The following LZTFL1 variants were observed in gnomAD, a reference collection of about 807,000 sequenced individuals.
LZTFL1 encodes leucine zipper transcription factor-like protein 1.
LZTFL1 carries 25 observed loss-of-function variants against 45.9 expected under a neutral mutation model. The ratio of observed to expected loss-of-function variants is 0.54; its 90% CI spans 0.40 to 0.76. The LOEUF is 0.76. Among genes scored for constraint, LZTFL1 ranks in the 30% least tolerant of loss-of-function variants. LZTFL1 has a pLI of 0.00. For synonymous variants in LZTFL1, 93 were observed against 117.4 expected (o/e 0.79, Z 1.35); for missense variants, 277 against 331.1 (o/e 0.84, Z 1.27).
intron 4 of LZTFL1, among the ~76,000 whole-genome samples, chr3:45,850,437 C>T (rs567248213): frequency 5.9e-5 from 9 of 152,312 alleles, no homozygotes; most frequent in African/African-American, 1.7e-4. Context: ...CTCCTCCCCG[C>T]AGCACCACCA....
chr3:45,876,940 C>T lies in LZTFL1; in HGVS notation c.-214-17924G>A, dbSNP rs79411669. On this transcript the variant is annotated intron_variant, in intron 2 of 4. Transcript: ENST00000472635. ...GGTAACTATTCCCCCAGCCTTCCTC[C>T]GGGCTCTCTTCAAAGCCTCCTGGAC... 9.1e-3 allele frequency among the ~76,000 whole-genome samples: 1,384 copies of T among 152,204 alleles called. 20 individuals carry two copies. Among genetic ancestry groups the T allele is most frequent in the African/African-American group, 0.031 (1,287 of 41,496 alleles).
intron 2 of LZTFL1, among the ~76,000 whole-genome samples, chr3:45,891,630 A>G (rs556934663): frequency 6.6e-6 from 1 of 152,282 alleles, no homozygotes; most frequent in African/African-American, 2.4e-5. Flanking sequence ...ATGCAGCACT[A>G]TCATCGAATT....
chr3:45,835,854 A>G, intron 2 of LZTFL1, 70 bp from the exon 3 acceptor site: 1 of 1,109,326 alleles, frequency 9.0e-7, no homozygotes, highest in East Asian at 2.4e-5. Context: ...CAGCAAAATT[A>G]AGAAACCCAC....
rs918742141 is a variant in LZTFL1 at position 45,825,043 on chromosome 3, C to T, written c.*1271G>A. 2.5e-6 allele frequency: 1 copy of T among 395,514 alleles called. No homozygotes were observed. Among genetic ancestry groups the T allele is most frequent in the Admixed American group, 4.4e-5 (1 of 22,682 alleles). 24.5% of individuals were successfully genotyped at this position (395,514 alleles called of 1,614,324 possible). On this transcript the variant is annotated 3_prime_UTR_variant, in exon 10 of 10. Coordinates refer to ENST00000296135, the MANE Select transcript of LZTFL1 (RefSeq NM_020347.4). ...TTCCTTCACTATTTTAACAAAAAGCCTATAAGAAAAATAATAAATTCAAGG... is the reference window on the plus strand; with the variant it reads ...TTCCTTCACTATTTTAACAAAAAGCTTATAAGAAAAATAATAAATTCAAGG...
At chr3:45,859,592 A>G (rs1475994806) in intron 2 of LZTFL1, among the ~76,000 whole-genome samples, 1 of 151,732 alleles carries the variant, frequency 6.6e-6, no homozygotes, top group Non-Finnish European at 1.5e-5. Context: ...AATGACAAAA[A>G]TTAACGAATG....
intron 2 of LZTFL1, among the ~76,000 whole-genome samples, chr3:45,866,399 A>T (rs1701578519): frequency 6.6e-6 from 1 of 152,220 alleles, no homozygotes; most frequent in Admixed American, 6.5e-5. Context: ...CACTTTCAAA[A>T]AGAAAACCGT....
chr3:45,835,842 T>A (rs1289506574), intron 2 of LZTFL1, 58 bp from the exon 3 acceptor site: 2 of 1,303,376 alleles, frequency 1.5e-6, no homozygotes, highest in African/African-American at 3.0e-5. Context: ...ATCTACAAAA[T>A]ACAGCAAAAT....
chr3:45,827,462 G>A lies in LZTFL1; in HGVS notation c.778-3C>T. The A allele has an allele frequency of 6.3e-7, 1 of 1,589,742 alleles. No homozygotes were observed. The highest frequency in any genetic ancestry group is 1.1e-5 in the South Asian group (1 of 90,434). ...TGCTGAAATTTCTTTTCTAATTCCT[G>A]CTTAGTAAAAAATGTCAGCCCATTA... On this transcript the variant is annotated splice_polypyrimidine_tract_variant and splice_region_variant and intron_variant, in intron 8 of 9. Coordinates refer to ENST00000296135, the MANE Select transcript of LZTFL1 (RefSeq NM_020347.4).
At chr3:45,897,932 C>A (rs927014657) in intron 2 of LZTFL1, among the ~76,000 whole-genome samples, 2 of 139,372 alleles carry the variant, frequency 1.4e-5, no homozygotes, top group Admixed American at 1.6e-4. Flanking sequence ...GCTTCACAGC[C>A]GTGGGCTCAG....
intron 2 of LZTFL1, among the ~76,000 whole-genome samples, chr3:45,892,478 A>G (rs573298995): frequency 4.6e-5 from 7 of 152,296 alleles, no homozygotes; most frequent in Non-Finnish European, 8.8e-5. Flanking sequence ...CAAATGTCAC[A>G]TGTTCTCATT....
chr3:45,895,002 T>C, intron 2 of LZTFL1: 2 of 1,592,480 alleles, frequency 1.3e-6, no homozygotes, highest in Non-Finnish European at 1.7e-6. Context: ...ACACTCATCT[T>C]CCCTTTTTAG....
chr3:45,882,663 G>A (rs1244503038), intron 2 of LZTFL1, among the ~76,000 whole-genome samples: 1 of 152,112 alleles, frequency 6.6e-6, no homozygotes, highest in Non-Finnish European at 1.5e-5. Context: ...GTTGGCCCCT[G>A]CAACAAAGTC....
At position 45,870,293 on chromosome 3, in the gene LZTFL1, C is replaced by T. The variant is rs142994380; in HGVS notation, c.-214-11277G>A. 2.6e-4 allele frequency among the ~76,000 whole-genome samples: 40 copies of T among 152,298 alleles called. 1 individual carries two copies. The East Asian group carries it at 7.3e-3, about 28-fold the overall frequency. On this transcript the variant is annotated intron_variant, in intron 2 of 4. Transcript: ENST00000472635. ...ACCAAGTCAGGTGTCTCTTGGTTTT[C>T]GCTGCTCTAGAATTATGAGTTGACA...
chr3:45,853,619 T>G lies in LZTFL1; in HGVS notation c.-49+1367A>C, dbSNP rs1158826409. Reference sequence around the variant, plus strand: ...GGGTTAACTAGATCCCATTCTCATCTAAGCCCTTCTACCTCTGCTAGGACC... The same window carrying G: ...GGGTTAACTAGATCCCATTCTCATCGAAGCCCTTCTACCTCTGCTAGGACC... On this transcript the variant is annotated intron_variant, in intron 4 of 4. Coordinates refer to the LZTFL1 transcript ENST00000472635. Among the ~76,000 whole-genome samples, 9 of 152,328 alleles carry G rather than the reference T, an allele frequency of 5.9e-5. No individual in the cohort carries two copies. In the South Asian group the frequency reaches 1.9e-3, roughly 32 times the overall value.
chr3:45,909,589 T>C (rs1404072419), intron 2 of LZTFL1, among the ~76,000 whole-genome samples: 1 of 152,216 alleles, frequency 6.6e-6, no homozygotes, highest in African/African-American at 2.4e-5. Context: ...GCTCTTATCC[T>C]TATAAAGCCC....
intron 1 of LZTFL1, among the ~76,000 whole-genome samples, chr3:45,914,646 C>T (rs1702863024): frequency 6.6e-6 from 1 of 152,188 alleles, no homozygotes; most frequent in Non-Finnish European, 1.5e-5. Context: ...TCTGCAACTT[C>T]CTTTTATTTA....
In LZTFL1 at chr3:45,828,454, C is replaced by A; in HGVS notation, c.762G>T (p.Leu254=). 1 of 1,613,538 alleles carries A rather than the reference C, an allele frequency of 6.2e-7. No homozygotes were observed. ...GTCTTCTGACCTTTTCAGCCATGTG[C>A]AGCTGCTCCTGAACCCTGAGTAGAT... ...KHDLLRVQEQ[L]HMAEKELEKK... Residue 254 remains leucine, a synonymous_variant, in exon 8 of 10, where the codon CTG becomes CTT. Coordinates refer to ENST00000296135, the MANE Select transcript of LZTFL1 (RefSeq NM_020347.4).
intron 2 of LZTFL1, among the ~76,000 whole-genome samples, chr3:45,871,169 T>C (rs1040717153): frequency 1.3e-5 from 2 of 152,220 alleles, no homozygotes; most frequent in Non-Finnish European, 2.9e-5. Context: ...CCATGATCTT[T>C]GTTACAATGC....
chr3:45,834,807 A>C (rs1700922352), intron 3 of LZTFL1: 1 of 153,732 alleles, frequency 6.5e-6, no homozygotes, highest in South Asian at 2.0e-4. Context: ...AAGTGACTAC[A>C]CACAAGCTTA....
Sources: allele counts gnomAD v4.1 joint callset (sites outside exome capture counted in the v4.1 genomes callset), GRCh38; gene constraint gnomAD v4.1.1; transcripts MANE v1.5; gene names NCBI Gene and HGNC (gene_info 2026-07-23, HGNC 2026-07-21).